Variants in SUGCT observed in about 807,000 individuals in gnomAD.
SUGCT encodes succinyl-CoA:glutarate-CoA transferase.
A neutral mutation model predicts 55.0 loss-of-function variants in SUGCT; 41 were observed. The ratio of observed to expected loss-of-function variants is 0.74; its 90% CI spans 0.58 to 0.97. SUGCT has a LOEUF of 0.97. Among genes scored for constraint, SUGCT ranks in the 50% least tolerant of loss-of-function variants. SUGCT has a pLI of 0.00. For synonymous variants in SUGCT, 187 were observed against 200.4 expected (o/e 0.93, Z 0.56); for missense variants, 568 against 547.8 (o/e 1.04, Z -0.37).
At chr7:40,238,860 G>T (rs1205069656) in intron 7 of SUGCT, among the ~76,000 whole-genome samples, 4 of 144,312 alleles carry the variant, frequency 2.8e-5, no homozygotes, top group African/African-American at 7.7e-5. Context: ...TTGCTCTGTC[G>T]CCCAGGCTAG....
the SUGCT span, among the ~76,000 whole-genome samples, chr7:40,920,608 A>G: frequency 6.6e-6 from 1 of 151,992 alleles, no homozygotes; most frequent in African/African-American, 2.4e-5. Context: ...GTTGTTTGTC[A>G]GTTGGTTGGT....
intron 11 of SUGCT, among the ~76,000 whole-genome samples, chr7:40,475,508 G>T (rs1330896265): frequency 1.3e-5 from 2 of 152,152 alleles, no homozygotes; most frequent in Non-Finnish European, 2.9e-5. Flanking sequence ...AATAGAAAAT[G>T]AGATTGGCTT....
At chr7:40,426,152 C>G (rs1398987237) in intron 9 of SUGCT, among the ~76,000 whole-genome samples, 2 of 152,070 alleles carry the variant, frequency 1.3e-5, no homozygotes, top group African/African-American at 4.8e-5. Flanking sequence ...AGAAGTTACT[C>G]GGTATTCAGA....
intron 3 of SUGCT, among the ~76,000 whole-genome samples, chr7:40,183,046 G>C (rs1785306564): frequency 1.3e-5 from 2 of 152,236 alleles, no homozygotes; most frequent in South Asian, 4.1e-4. Context: ...GCCAAGGCAG[G>C]CGGATCACCT....
chr7:40,941,932 C>T, the SUGCT span, among the ~76,000 whole-genome samples: 3 of 151,908 alleles, frequency 2.0e-5, no homozygotes, highest in Admixed American at 6.6e-5. Context: ...ATTTTCCACC[C>T]GTTTACCTTG....
rs571820154 is a variant in SUGCT, at chr7:40,442,258, C to T, written c.817-7029C>T. Among the ~76,000 whole-genome samples, 188 of 152,184 alleles carry T rather than the reference C, an allele frequency of 1.2e-3. 1 individual carries two copies. Among genetic ancestry groups the T allele is most frequent in the African/African-American group, 4.3e-3 (179 of 41,526 alleles). On this transcript the variant is annotated intron_variant, in intron 9 of 13. Transcript: ENST00000335693. ...TTAAAAGGCAGTTTTGATCCCTGAG[C>T]AAGGAGGGCTCTTGGAAGGGACTGT...
chr7:40,354,601 C>A (rs1797801273), intron 9 of SUGCT, among the ~76,000 whole-genome samples: 1 of 151,902 alleles, frequency 6.6e-6, no homozygotes, highest in Non-Finnish European at 1.5e-5. Context: ...CTGTCAAGAG[C>A]ACTGAATAAA....
intron 6 of SUGCT, among the ~76,000 whole-genome samples, chr7:40,220,872 T>C (rs1195872565): frequency 1.3e-5 from 2 of 152,228 alleles, no homozygotes; most frequent in South Asian, 4.1e-4. Flanking sequence ...TGTAAATTTA[T>C]CTTACTATTA....
chr7:40,964,333 T>A, the SUGCT span, among the ~76,000 whole-genome samples: 1 of 152,212 alleles, frequency 6.6e-6, no homozygotes, highest in African/African-American at 2.4e-5. Context: ...AAACTTAATT[T>A]TGAACATCTT....
chr7:40,879,705 A>G, the SUGCT span, among the ~76,000 whole-genome samples: 4 of 152,128 alleles, frequency 2.6e-5, no homozygotes, highest in African/African-American at 9.7e-5. Context: ...ATGACCCCCA[A>G]ATTCAACAGC....
chr7:40,425,875 G>A (rs548935331), intron 9 of SUGCT, among the ~76,000 whole-genome samples: 36 of 152,142 alleles, frequency 2.4e-4, no homozygotes, highest in Non-Finnish European at 4.4e-4. Flanking sequence ...TAGTTCCAGG[G>A]AAGCCTTGTT....
At chr7:40,203,680 C>CAA (rs975440972) in intron 6 of SUGCT, among the ~76,000 whole-genome samples, 1 of 151,452 alleles carries the variant, frequency 6.6e-6, no homozygotes, top group Admixed American at 6.6e-5. Flanking sequence ...GAGACTGAGG[C>CAA]ATGAGAATCG....
chr7:40,822,674 A>T (rs1792084829), intron 13 of SUGCT, among the ~76,000 whole-genome samples: 1 of 152,152 alleles, frequency 6.6e-6, no homozygotes, highest in Non-Finnish European at 1.5e-5. Flanking sequence ...GTCCCTGAGG[A>T]GCTGCAAGGG....
intron 13 of SUGCT, among the ~76,000 whole-genome samples, chr7:40,854,093 T>A (rs1248593860): frequency 6.6e-6 from 1 of 152,254 alleles, no homozygotes; most frequent in African/African-American, 2.4e-5. Flanking sequence ...ATCAATTACT[T>A]AAAATCTTGC....
intron 6 of SUGCT, among the ~76,000 whole-genome samples, chr7:40,210,339 C>A (rs1230990375): frequency 1.3e-5 from 2 of 152,142 alleles, no homozygotes; most frequent in Non-Finnish European, 2.9e-5. Context: ...AGCCACCACG[C>A]CTGGCCTACT....
At chr7:40,832,562 G>GTTTTT (rs66508711) in intron 13 of SUGCT, among the ~76,000 whole-genome samples, 1 of 139,786 alleles carries the variant, frequency 7.2e-6, no homozygotes, top group Admixed American at 7.1e-5. Context: ...GGTTTTTTTT[G>GTTTTT]TTTTTTTTTT....
At chr7:40,361,910 C>A (rs1235558266) in intron 9 of SUGCT, among the ~76,000 whole-genome samples, 1 of 151,866 alleles carries the variant, frequency 6.6e-6, no homozygotes, top group Admixed American at 6.6e-5. Flanking sequence ...GCCAGAGATT[C>A]TGATTTAATT....
At chr7:40,135,609 T>A (rs193168901) in intron 1 of SUGCT, among the ~76,000 whole-genome samples, 47 of 152,388 alleles carry the variant, frequency 3.1e-4, no homozygotes, top group Admixed American at 2.9e-3. Flanking sequence ...TTACTCCCTC[T>A]GAATTTGGGA....
chr7:40,523,291 C>T (rs999901909), intron 12 of SUGCT, among the ~76,000 whole-genome samples: 9 of 151,830 alleles, frequency 5.9e-5, no homozygotes. Context: ...ATTTATGAAG[C>T]CAGACTATCA....
Sources: allele counts gnomAD v4.1 joint callset (sites outside exome capture counted in the v4.1 genomes callset), GRCh38; gene constraint gnomAD v4.1.1; transcripts MANE v1.5; gene names NCBI Gene and HGNC (gene_info 2026-07-23, HGNC 2026-07-21).